PHLPP1: variants seen among roughly 807,000 people sequenced by gnomAD.
PHLPP1 encodes PH domain leucine-rich repeat-containing protein phosphatase 1.
In PHLPP1, 42 loss-of-function variants were observed where a neutral mutation model predicts 117.2. The ratio of observed to expected loss-of-function variants is 0.36; its 90% confidence interval spans 0.28 to 0.46. PHLPP1 has a LOEUF of 0.46. Ranked by LOEUF, PHLPP1 falls within the 20% of genes least tolerant of loss-of-function variation. The probability of loss-of-function intolerance (pLI) is 1.00; values close to 1 mark genes in which losing one functional copy is unlikely to be tolerated. For missense variants in PHLPP1, 2,084 were observed against 2,241.9 expected (o/e 0.93, Z 1.42); for synonymous variants, 1,042 against 970.7 (o/e 1.07, Z -1.37).
chr18:62,741,877 T>C (rs1054460528), intron 1 of PHLPP1, among the ~76,000 whole-genome samples: 5 of 151,690 alleles, frequency 3.3e-5, no homozygotes, highest in African/African-American at 9.7e-5. Flanking sequence ...AGTGTGAATA[T>C]AGTGTACTGA....
intron 1 of PHLPP1, among the ~76,000 whole-genome samples, chr18:62,780,288 C>T (rs1465006165): frequency 6.6e-6 from 1 of 152,128 alleles, no homozygotes; most frequent in Non-Finnish European, 1.5e-5. Flanking sequence ...ATAAGAAATA[C>T]TGTACATGAT....
Position 62,919,960 on chromosome 18 carries a change from T to C in PHLPP1, c.2806T>C (p.Leu936=). 1 of 1,586,144 alleles carries C rather than the reference T, an allele frequency of 6.3e-7. No homozygotes were observed. The highest frequency in any genetic ancestry group is 8.6e-7 in the Non-Finnish European group (1 of 1,164,730). ...HNQICELPAR[L]FCNSSLRKLL... ...GGTCTTTTGTCCCTTTTTATACAGC[T>C]TATTTTGTAATAGCAGTCTCCGGAA... The change falls in exon 10 of 17, where the codon TTA becomes CTA. Residue 936 remains leucine (L), a splice_region_variant and synonymous_variant. Transcript: ENST00000262719.
intron 4 of PHLPP1, among the ~76,000 whole-genome samples, chr18:62,867,147 A>G (rs371120182): frequency 5.0e-4 from 76 of 152,312 alleles, no homozygotes; most frequent in African/African-American, 1.8e-3. Context: ...AGGTGCCTGA[A>G]GCTCCAGCCC....
rs546821697 is a variant in PHLPP1 at position 62,962,490 on chromosome 18, G to A, written c.3456-878G>A. Among the ~76,000 whole-genome samples, 8 of 152,182 alleles carry A rather than the reference G, an allele frequency of 5.3e-5. No homozygotes were observed. In the South Asian group the frequency reaches 6.2e-4, roughly 12 times the overall value. On this transcript the variant is annotated intron_variant, in intron 13 of 16. Coordinates refer to ENST00000262719, the MANE Select transcript of PHLPP1 (RefSeq NM_194449.4). ...GCCCAGCTAATTTTTTGTATTTTTAGTAGAGACAGGGTTTCTCCATGTTGG... is the reference window on the plus strand; with the variant it reads ...GCCCAGCTAATTTTTTGTATTTTTAATAGAGACAGGGTTTCTCCATGTTGG...
chr18:62,922,659 A>G (rs1183298973), intron 10 of PHLPP1, among the ~76,000 whole-genome samples: 1 of 152,250 alleles, frequency 6.6e-6, no homozygotes, highest in African/African-American at 2.4e-5. Context: ...TGAATGAAAT[A>G]AAAACCATTT....
intron 1 of PHLPP1, among the ~76,000 whole-genome samples, chr18:62,817,564 T>A (rs534921239): frequency 2.6e-5 from 4 of 151,424 alleles, no homozygotes; most frequent in Non-Finnish European, 5.9e-5. Flanking sequence ...CGATGAAACA[T>A]ACAGAATTAA....
chr18:62,901,994 A>G (rs1316776808), intron 6 of PHLPP1, among the ~76,000 whole-genome samples: 2 of 152,134 alleles, frequency 1.3e-5, no homozygotes, highest in Non-Finnish European at 2.9e-5. Flanking sequence ...TGGAAAATAG[A>G]TGGTTTTTGT....
intron 1 of PHLPP1, among the ~76,000 whole-genome samples, chr18:62,818,963 A>G (rs974913084): frequency 1.5e-4 from 23 of 152,244 alleles, no homozygotes; most frequent in African/African-American, 5.3e-4. Flanking sequence ...ACACAGTAAT[A>G]TACCATTATA....
At chr18:62,851,423 C>T (rs1915347036) in intron 3 of PHLPP1, among the ~76,000 whole-genome samples, 1 of 152,246 alleles carries the variant, frequency 6.6e-6, no homozygotes, top group Non-Finnish European at 1.5e-5. Flanking sequence ...CCTACCTCTC[C>T]CACATGCTCT....
At chr18:62,739,311 A>G (rs1911454026) in intron 1 of PHLPP1, among the ~76,000 whole-genome samples, 1 of 152,204 alleles carries the variant, frequency 6.6e-6, no homozygotes, top group African/African-American at 2.4e-5. Flanking sequence ...CAACTCTATG[A>G]TTATGTTTAT....
chr18:62,813,823 A>G (rs990938750), intron 1 of PHLPP1, among the ~76,000 whole-genome samples: 7 of 152,262 alleles, frequency 4.6e-5, no homozygotes, highest in African/African-American at 1.7e-4. Context: ...CCCTTTCAGC[A>G]TTTTAATGTA....
At position 62,716,666 on chromosome 18, in the gene PHLPP1, C is replaced by G; in HGVS notation, c.983C>G (p.Pro328Arg). The change falls in exon 1 of 17, where the codon CCG becomes CGG. Residue 328 changes from proline (P) to arginine (R), a missense_variant. This residue lies in a region of PHLPP1 where 719 missense variants were observed against 636.0 expected (regional missense o/e 1.13). Transcript: ENST00000262719. The surrounding 1 kb of genome is among the most constrained non-coding windows in gnomAD (Gnocchi z 5.7). ...PAPSDSSPGEPFVGGPVSSPR... is the reference protein window; with the variant it reads ...PAPSDSSPGERFVGGPVSSPR... ...CCCTCGGACTCCAGCCCCGGCGAGC[C>G]GTTCGTTGGGGGCCCTGTCTCTTCG... 1.4e-6 allele frequency: 2 copies of G among 1,439,870 alleles called. No homozygotes were observed. Among genetic ancestry groups the G allele is most frequent in the South Asian group, 1.4e-5 (1 of 73,130 alleles). 89.2% of individuals were successfully genotyped at this position (1,439,870 alleles called of 1,614,324 possible). A position where few individuals can be genotyped will look rare whatever the true frequency, so the allele number is the denominator to read the frequency against.
chr18:62,716,576 C>T lies in PHLPP1; in HGVS notation c.893C>T (p.Pro298Leu). 8.3e-7 allele frequency: 1 copy of T among 1,210,834 alleles called. No homozygotes were observed. The allele number at this position is 1,210,834 out of a possible 1,614,324, so 75.0% of individuals were successfully genotyped here. A position where few individuals can be genotyped will look rare whatever the true frequency, so the allele number is the denominator to read the frequency against. ...GCCTTCGGGGGGCCTCCGCGCGCGCCCCCCGCCGACCTACCCCTGCCCGTC... is the reference window on the plus strand; with the variant it reads ...GCCTTCGGGGGGCCTCCGCGCGCGCTCCCCGCCGACCTACCCCTGCCCGTC... ...PGAFGGPPRA[P>L]PADLPLPVGG... The change falls in exon 1 of 17, where the codon CCC becomes CTC. Residue 298 changes from proline to leucine, a missense_variant. Physicochemically the swap from Pro to Leu is moderately conservative, Grantham distance 98 (BLOSUM62 -3). This residue lies in a region of PHLPP1 where 719 missense variants were observed against 636.0 expected (regional missense o/e 1.13). Transcript: ENST00000262719. The surrounding 1 kb of genome is among the most constrained non-coding windows in gnomAD (Gnocchi z 5.7).
At chr18:62,746,818 A>T (rs1191092968) in intron 1 of PHLPP1, among the ~76,000 whole-genome samples, 2 of 152,102 alleles carry the variant, frequency 1.3e-5, no homozygotes, top group African/African-American at 4.8e-5. Context: ...ACTAAAAAAA[A>T]GTTTGCTGGT....
chr18:62,721,680 CGT>C (rs1910924501), intron 1 of PHLPP1, among the ~76,000 whole-genome samples: 2 of 151,862 alleles, frequency 1.3e-5, no homozygotes, highest in African/African-American at 4.8e-5. Context: ...TTCCTAAATT[CGT>C]GTGTCTTTTG....
intron 1 of PHLPP1, among the ~76,000 whole-genome samples, chr18:62,793,353 T>C (rs983785618): frequency 2.0e-5 from 3 of 152,172 alleles, no homozygotes; most frequent in African/African-American, 7.2e-5. Context: ...AAAGCTAGGT[T>C]TTACCACCTG....
intron 4 of PHLPP1, among the ~76,000 whole-genome samples, chr18:62,888,512 G>A (rs1190108081): frequency 2.6e-5 from 4 of 152,028 alleles, no homozygotes; most frequent in Non-Finnish European, 5.9e-5. Context: ...GCCAGCCTGG[G>A]CAACATGGAG....
At chr18:62,852,011 G>T (rs994883580) in intron 3 of PHLPP1, among the ~76,000 whole-genome samples, 4 of 151,592 alleles carry the variant, frequency 2.6e-5, no homozygotes, top group African/African-American at 9.7e-5. Flanking sequence ...CATGTAGCTA[G>T]GACTATAGGC....
At chr18:62,789,559 AG>A (rs910335988) in intron 1 of PHLPP1, among the ~76,000 whole-genome samples, 1 of 152,114 alleles carries the variant, frequency 6.6e-6, no homozygotes, top group Non-Finnish European at 1.5e-5. Flanking sequence ...TAGGTGCAGT[AG>A]GGGGTGGGGA....
Sources: gnomAD v4.1 joint callset for allele counts (sites outside exome capture counted in the v4.1 genomes callset) on GRCh38, gnomAD v4.1.1 for gene constraint, gnomAD v4.1.1 regional missense constraint, Gnocchi (gnomAD v3.1) non-coding constraint, MANE v1.5 for transcripts, NCBI Gene and HGNC (gene_info 2026-07-23, HGNC 2026-07-21) for gene names.